The following ADPRHL1 variants were observed in gnomAD, a reference collection of about 807,000 sequenced individuals.
The protein encoded by ADPRHL1 is ADP-ribosylhydrolase like 1, also known as inactive ADP-ribosyltransferase ARH2.
In ADPRHL1, 43 loss-of-function variants were observed where a neutral mutation model predicts 44.1. That is an observed-to-expected ratio of 0.98 (90% CI 0.76 to 1.26). ADPRHL1 has a LOEUF of 1.26. Ranked by LOEUF, ADPRHL1 falls within the 50% of genes most tolerant of loss-of-function variation. ADPRHL1 has a pLI of 0.00. For synonymous variants in ADPRHL1, 878 were observed against 1,017.4 expected, an observed-to-expected ratio of 0.86 and a Z score of 2.61; for missense variants, 2,022 against 2,496.9, an observed-to-expected ratio of 0.81 and a Z score of 4.05.
chr13:113,435,260 G>A (rs79821097), intron 2 of ADPRHL1, among the ~76,000 whole-genome samples: 45 of 9,264 alleles, frequency 4.9e-3, no homozygotes, highest in Non-Finnish European at 9.0e-3. Flanking sequence ...GGTGTACCCC[G>A]GGACCCGGCA....
At position 113,453,020 on chromosome 13, in the gene ADPRHL1, A is replaced by G. The variant is rs558940608; in HGVS notation, c.214+204T>C. ...AGTAAAGTAATACTGTCACCCTCAG[A>G]GAAACCACAGGAGAAACGTGATCTG... is the stretch of plus-strand genomic sequence containing the variant. On this transcript the variant is annotated intron_variant, in intron 1 of 7. Transcript: ENST00000612156. This position sits in a 1 kb window ranked among gnomAD's most constrained non-coding sequence, Gnocchi z 5.4. Among the ~76,000 whole-genome samples, 41 of 152,360 alleles carry G rather than the reference A, an allele frequency of 2.7e-4. No homozygotes were observed. The East Asian group carries it at 7.5e-3, about 28-fold the overall frequency.
intron 2 of ADPRHL1, among the ~76,000 whole-genome samples, chr13:113,436,872 G>T (rs1475199198): frequency 8.2e-6 from 1 of 122,220 alleles, no homozygotes; most frequent in South Asian, 2.9e-4. Context: ...CGGCACCCAG[G>T]TGTAGAGTGA....
rs199692255 is a variant in ADPRHL1 at position 113,429,005 on chromosome 13, C to T, written c.593G>A (p.Arg198Gln). Reference protein sequence around the residue: ...PLVQWGRDMLRAVPLAEEYCR... With the variant: ...PLVQWGRDMLQAVPLAEEYCR... The stretch of plus-strand genomic sequence containing the variant: ...GTACTCTTCTGCCAGAGGCACCGCC[C>T]GCAGCATGTCTCTCCCCCACTGGAC... The change falls in exon 4 of 8, where the codon CGG becomes CAG. Residue 198 changes from arginine to glutamine, a missense_variant. This residue lies in a region of ADPRHL1 where 437 missense variants were observed against 430.7 expected (regional missense o/e 1.01). Transcript: ENST00000612156. The T allele has an allele frequency of 6.7e-5, 108 of 1,612,740 alleles. 1 individual carries two copies. The highest frequency in any genetic ancestry group is 7.7e-5 in the South Asian group (7 of 91,088).
chr13:113,439,532 C>G (rs954102561), intron 2 of ADPRHL1, among the ~76,000 whole-genome samples: 9 of 151,872 alleles, frequency 5.9e-5, no homozygotes, highest in Middle Eastern at 3.4e-3. Flanking sequence ...ACTGCAACAT[C>G]CACCTCCTGG....
Position 113,409,058 on chromosome 13 carries a change from TG to T in ADPRHL1, c.1062-839del, listed in dbSNP as rs1240592415. Among the ~76,000 whole-genome samples the T allele has an allele frequency of 6.6e-6, 1 of 152,222 alleles. No homozygotes were observed. Among genetic ancestry groups the T allele is most frequent in the East Asian group, 1.9e-4 (1 of 5,202 alleles). On this transcript the variant is annotated intron_variant, in intron 7 of 7. Transcript: ENST00000612156. This position sits in a 1 kb window ranked among gnomAD's most constrained non-coding sequence, Gnocchi z 4.2. The stretch of plus-strand genomic sequence containing the variant: ...AATGGCTTAGAGGAGCCACTGAGGC[TG>T]GGGGCTGCCGCCCTTTCCCAGTGAG...
chr13:113,424,428 C>CTTGTG, intron 5 of ADPRHL1, 79 bp from the exon 6 acceptor site: 1 of 1,575,102 alleles, frequency 6.3e-7, no homozygotes, highest in South Asian at 1.2e-5. Context: ...GCTTTCTGGG[C>CTTGTG]CCCTCCTAGT....
intron 3 of ADPRHL1, among the ~76,000 whole-genome samples, chr13:113,432,641 G>T (rs1251306421): frequency 6.7e-6 from 1 of 150,254 alleles, no homozygotes; most frequent in Non-Finnish European, 1.5e-5. Context: ...GCACGCACCT[G>T]CTTTGCTGCA....
intron 7 of ADPRHL1, among the ~76,000 whole-genome samples, chr13:113,419,051 T>G: frequency 6.6e-6 from 1 of 151,244 alleles, no homozygotes; most frequent in Admixed American, 6.6e-5. Context: ...CTTCCCTTCC[T>G]TCTTCTCCTT....
chr13:113,426,691 C>T (rs974769231), intron 4 of ADPRHL1, among the ~76,000 whole-genome samples: 3 of 152,214 alleles, frequency 2.0e-5, no homozygotes, highest in East Asian at 1.9e-4. Context: ...AAGTGAAAGA[C>T]GCAAAAGTAA....
chr13:113,447,051 TTG>T, intron 1 of ADPRHL1, among the ~76,000 whole-genome samples: 2 of 147,152 alleles, frequency 1.4e-5, no homozygotes, highest in East Asian at 4.1e-4. Context: ...ATGCACGGTG[TTG>T]TGTGTGCATG....
intron 1 of ADPRHL1, among the ~76,000 whole-genome samples, chr13:113,450,960 C>CT (rs979504948): frequency 1.3e-5 from 2 of 151,658 alleles, no homozygotes; most frequent in East Asian, 1.9e-4. Context: ...AGACCCCCCC[C>CT]CCCTTCCTGG....
At position 113,405,903 on chromosome 13, in the gene ADPRHL1, C is replaced by G; in HGVS notation, c.3379G>C (p.Ala1127Pro). The change falls in exon 8 of 8, where the codon GCA (alanine) becomes CCA (proline). Residue 1127 changes from alanine (A) to proline (P), a missense_variant. By Grantham distance (27) the Ala-to-Pro change is conservative. Coordinates refer to ENST00000612156, the MANE Select transcript of ADPRHL1 (RefSeq NM_001394807.1). Reference sequence around the variant, plus strand: ...CTCTGGGTGCTGCCTGGCGCTGGTGCAGGCGTGGCGCGGCTCGCAACGCTC... The same window carrying G: ...CTCTGGGTGCTGCCTGGCGCTGGTGGAGGCGTGGCGCGGCTCGCAACGCTC... The part of the protein sequence containing the change: ...AGSVASRATP[A>P]PAPGSTQSPG... 8.1e-7 allele frequency: 1 copy of G among 1,232,082 alleles called. No homozygotes were observed. Among genetic ancestry groups the G allele is most frequent in the Non-Finnish European group, 1.0e-6 (1 of 988,080 alleles). The allele number at this position is 1,232,082 out of a possible 1,614,324, so 76.3% of individuals were successfully genotyped here. A position where few individuals can be genotyped will look rare whatever the true frequency, so the allele number is the denominator to read the frequency against.
chr13:113,433,095 A>G (rs1462598122), intron 3 of ADPRHL1, among the ~76,000 whole-genome samples: 1 of 149,530 alleles, frequency 6.7e-6, no homozygotes, highest in Non-Finnish European at 1.5e-5. Flanking sequence ...AGGGGGCGAC[A>G]TGATCCAACC....
chr13:113,452,299 C>G (rs1004448541), intron 1 of ADPRHL1, among the ~76,000 whole-genome samples: 1 of 152,176 alleles, frequency 6.6e-6, no homozygotes, highest in Admixed American at 6.5e-5. Context: ...ATCTTATCGC[C>G]GGCGCTTCAG....
rs1318444410 is a variant in ADPRHL1 at position 113,407,456 on chromosome 13, C to T, written c.1826G>A (p.Arg609His). The T allele has an allele frequency of 2.4e-5, 30 of 1,231,898 alleles. No homozygotes were observed. In the South Asian group the frequency reaches 2.5e-4, roughly 10 times the overall value. The allele number at this position is 1,231,898 out of a possible 1,614,324, so 76.3% of individuals were successfully genotyped here. ...ASTCVKMPPARFLACTAEPLP... is the reference protein window; with the variant it reads ...ASTCVKMPPAHFLACTAEPLP... ...GGGCTCAGCCGTGCAGGCCAGAAAG[C>T]GGGCAGGGGGCATCTTGACGCAGGT... The change falls in exon 8 of 8, where the codon CGC (arginine) becomes CAC (histidine). Residue 609 changes from arginine to histidine, a missense_variant. Coordinates refer to ENST00000612156, the MANE Select transcript of ADPRHL1 (RefSeq NM_001394807.1).
Position 113,424,368 on chromosome 13 carries a change from G to A in ADPRHL1, c.775-19C>T. 1 of 1,612,466 alleles carries A rather than the reference G, an allele frequency of 6.2e-7. No homozygotes were observed. The highest frequency in any genetic ancestry group is 8.5e-7 in the Non-Finnish European group (1 of 1,179,708). ...TGTAGGTCTGACAAGAGAGCCGTGG[G>A]TCGGGGCGTGTGCCCAAGTGGAGCC... On this transcript the variant is annotated intron_variant, in intron 5 of 7. Coordinates refer to ENST00000612156, the MANE Select transcript of ADPRHL1 (RefSeq NM_001394807.1).
intron 3 of ADPRHL1, among the ~76,000 whole-genome samples, chr13:113,431,092 GC>G (rs1460758883): frequency 6.6e-6 from 1 of 152,208 alleles, no homozygotes; most frequent in East Asian, 1.9e-4. Flanking sequence ...GAGGCCCACA[GC>G]CACCTAGGAG....
chr13:113,444,447 C>T lies in ADPRHL1; in HGVS notation c.357G>A (p.Trp119Ter). 6.2e-7 allele frequency: 1 copy of T among 1,614,114 alleles called. No homozygotes were observed. The highest frequency in any genetic ancestry group is 8.5e-7 in the Non-Finnish European group (1 of 1,179,992). The change falls in exon 2 of 8, where the codon TGG becomes TGA. Residue 119 changes from tryptophan (W) to a stop codon, truncating the protein, a stop_gained. Coordinates refer to ENST00000612156, the MANE Select transcript of ADPRHL1 (RefSeq NM_001394807.1). LOFTEE classifies it high-confidence loss of function. ...QLKPNNYLLA[W>*]HTPFNEKGSG... is the part of the protein sequence containing the mutation. The stretch of plus-strand genomic sequence containing the variant: ...GACCTTTTTCATTGAACGGTGTGTG[C>T]CAGGCGAGAAGGTAGTTATTGGGCT...
intron 2 of ADPRHL1, among the ~76,000 whole-genome samples, chr13:113,438,281 A>G (rs2044074971): frequency 1.3e-5 from 2 of 152,186 alleles, no homozygotes; most frequent in Non-Finnish European, 2.9e-5. Flanking sequence ...ATGTAATGGT[A>G]TCTCATTGTG....
Sources: gnomAD v4.1 joint callset for allele counts (sites outside exome capture counted in the v4.1 genomes callset) on GRCh38, gnomAD v4.1.1 for gene constraint, gnomAD v4.1.1 regional missense constraint, Gnocchi (gnomAD v3.1) non-coding constraint, MANE v1.5 for transcripts, NCBI Gene and HGNC (gene_info 2026-07-23, HGNC 2026-07-21) for gene names.